Variants in ZFPM2 observed in about 807,000 individuals in gnomAD.
The protein encoded by ZFPM2 is zinc finger protein ZFPM2.
A neutral mutation model predicts 98.6 loss-of-function variants in ZFPM2; 20 were observed. The ratio of observed to expected loss-of-function variants is 0.20; its 90% confidence interval spans 0.14 to 0.29. ZFPM2 has a LOEUF of 0.29. ZFPM2 is among the 10% of genes least tolerant of loss of function. The probability of loss-of-function intolerance (pLI) is 1.00; values close to 1 mark genes in which losing one functional copy is unlikely to be tolerated. For synonymous variants in ZFPM2, 518 were observed against 502.7 expected (o/e 1.03, Z -0.41); for missense variants, 1,310 against 1,388.6 (o/e 0.94, Z 0.90).
At chr8:105,527,631 C>T (rs1814203270) in intron 3 of ZFPM2, among the ~76,000 whole-genome samples, 2 of 152,130 alleles carry the variant, frequency 1.3e-5, no homozygotes, top group African/African-American at 2.4e-5. Flanking sequence ...GTGTTACAGG[C>T]TTGTAAAACT....
chr8:105,653,433 C>T (rs1817219487), intron 5 of ZFPM2, among the ~76,000 whole-genome samples: 1 of 152,156 alleles, frequency 6.6e-6, no homozygotes, highest in Non-Finnish European at 1.5e-5. Flanking sequence ...TATAGCTTGT[C>T]CATATCTAAA....
chr8:105,331,035 C>A (rs1812222839), intron 1 of ZFPM2, among the ~76,000 whole-genome samples: 2 of 151,158 alleles, frequency 1.3e-5, no homozygotes, highest in South Asian at 4.2e-4. Flanking sequence ...CACACACACA[C>A]ACTTAATATT....
intron 4 of ZFPM2, among the ~76,000 whole-genome samples, chr8:105,576,358 G>T (rs899155292): frequency 6.6e-6 from 1 of 152,084 alleles, no homozygotes; most frequent in African/African-American, 2.4e-5. Context: ...AACAGTGGTT[G>T]TCAGATGAGT....
intron 3 of ZFPM2, among the ~76,000 whole-genome samples, chr8:105,478,601 A>G (rs1191101232): frequency 2.0e-5 from 3 of 152,212 alleles, no homozygotes; most frequent in African/African-American, 7.2e-5. Flanking sequence ...TCCTAATGGC[A>G]CAGAAATTTA....
At chr8:105,443,312 C>CAAAACAAAAAA (rs1812293217) in intron 2 of ZFPM2, among the ~76,000 whole-genome samples, 1 of 115,366 alleles carries the variant, frequency 8.7e-6, no homozygotes, top group African/African-American at 4.1e-5. Context: ...GACTCCTTCT[C>CAAAACAAAAAA]AAAAAACAAA....
chr8:105,351,053 C>T (rs1316382430), intron 1 of ZFPM2, among the ~76,000 whole-genome samples: 2 of 151,306 alleles, frequency 1.3e-5, no homozygotes, highest in Non-Finnish European at 2.9e-5. Flanking sequence ...TGTGGTGGCA[C>T]ATGCTTGTAA....
At chr8:105,740,098 A>C (rs188169395) in intron 5 of ZFPM2, among the ~76,000 whole-genome samples, 8 of 152,098 alleles carry the variant, frequency 5.3e-5, no homozygotes, top group Middle Eastern at 3.4e-3. Context: ...TTATGTTCTT[A>C]ATTTCATTAC....
At chr8:105,653,484 T>G (rs1817220697) in intron 5 of ZFPM2, among the ~76,000 whole-genome samples, 1 of 152,218 alleles carries the variant, frequency 6.6e-6, no homozygotes, top group South Asian at 2.1e-4. Flanking sequence ...TCTTACTACT[T>G]AACACATAAT....
At chr8:105,343,766 T>C (rs1247447442) in intron 1 of ZFPM2, among the ~76,000 whole-genome samples, 11 of 152,202 alleles carry the variant, frequency 7.2e-5, no homozygotes, top group African/African-American at 2.4e-4. Flanking sequence ...AATTAGAAAG[T>C]TGGGGTAAAA....
chr8:105,659,007 C>T (rs1817340672), intron 5 of ZFPM2, among the ~76,000 whole-genome samples: 2 of 152,032 alleles, frequency 1.3e-5, no homozygotes, highest in Admixed American at 6.6e-5. Context: ...GTTCTGAGAA[C>T]AGGAATAAAA....
At chr8:105,613,874 G>T (rs935594030) in intron 4 of ZFPM2, among the ~76,000 whole-genome samples, 2 of 152,248 alleles carry the variant, frequency 1.3e-5, no homozygotes, top group East Asian at 1.9e-4. Context: ...GAAGGTACAT[G>T]AGAAGTTACA....
intron 4 of ZFPM2, among the ~76,000 whole-genome samples, chr8:105,583,072 A>C (rs1257395555): frequency 6.6e-6 from 1 of 152,210 alleles, no homozygotes; most frequent in Non-Finnish European, 1.5e-5. Flanking sequence ...CTTCAGGTAG[A>C]AAAAAGTGAG....
chr8:105,413,909 G>A (rs1285374925), intron 1 of ZFPM2, among the ~76,000 whole-genome samples: 26 of 151,910 alleles, frequency 1.7e-4, no homozygotes, highest in Admixed American at 1.7e-3. Context: ...AAATATTTGT[G>A]TGTTTTCGGG....
At chr8:105,431,759 C>T (rs956483036) in intron 2 of ZFPM2, among the ~76,000 whole-genome samples, 5 of 151,760 alleles carry the variant, frequency 3.3e-5, no homozygotes, top group African/African-American at 9.7e-5. Context: ...TAAAAAATAA[C>T]AAACAGAAAA....
At chr8:105,520,239 A>AG (rs1415436594) in intron 3 of ZFPM2, among the ~76,000 whole-genome samples, 13 of 151,964 alleles carry the variant, frequency 8.6e-5, no homozygotes, top group Non-Finnish European at 1.9e-4. Context: ...AATACCAAAA[A>AG]AAGTGAGATA....
chr8:105,361,819 A>ATT, intron 1 of ZFPM2, among the ~76,000 whole-genome samples: 2 of 152,208 alleles, frequency 1.3e-5, no homozygotes, highest in African/African-American at 4.8e-5. Context: ...TAATATTACC[A>ATT]TATTTTTACT....
At chr8:105,379,932 T>G (rs542031653) in intron 1 of ZFPM2, among the ~76,000 whole-genome samples, 1 of 152,050 alleles carries the variant, frequency 6.6e-6, no homozygotes, top group Non-Finnish European at 1.5e-5. Flanking sequence ...GAAAATACAC[T>G]GAGGATGGGG....
In ZFPM2 at chr8:105,634,227, G is replaced by T. The variant is rs1331133230; in HGVS notation, c.421-19G>T. 1.3e-5 allele frequency: 20 copies of T among 1,591,272 alleles called. No homozygotes were observed. Among genetic ancestry groups the T allele is most frequent in the Non-Finnish European group, 1.7e-5 (20 of 1,163,700 alleles). On this transcript the variant is annotated intron_variant, in intron 4 of 7. Transcript: ENST00000407775. ...CAACGGAAGCAAATGGCATCTGTTT[G>T]TTATCATTCTTTCTACAGAAGACAA...
At chr8:105,710,515 C>T (rs934136819) in intron 5 of ZFPM2, among the ~76,000 whole-genome samples, 4 of 152,046 alleles carry the variant, frequency 2.6e-5, no homozygotes, top group African/African-American at 9.7e-5. Context: ...CATTTATGAG[C>T]TCCCTATAGT....
Sources: gnomAD v4.1 joint callset for allele counts (sites outside exome capture counted in the v4.1 genomes callset) on GRCh38, gnomAD v4.1.1 for gene constraint, MANE v1.5 for transcripts, NCBI Gene and HGNC (gene_info 2026-07-23, HGNC 2026-07-21) for gene names.